WFS1: variants seen among roughly 807,000 people sequenced by gnomAD.
WFS1 encodes wolframin ER transmembrane glycoprotein, also known as wolframin.
WFS1 carries 90 observed loss-of-function variants against 68.5 expected under a neutral mutation model. The observed-to-expected ratio is 1.31, with a 90% CI of 1.11 to 1.56. The LOEUF is 1.56. WFS1 is among the 40% of genes most tolerant of loss of function. The pLI, the probability that WFS1 is intolerant of heterozygous loss-of-function variation, is 0.00. For synonymous variants in WFS1, 860 were observed against 540.7 expected, an observed-to-expected ratio of 1.59 and a Z score of -8.19; for missense variants, 1,767 against 1,232.6, an observed-to-expected ratio of 1.43 and a Z score of -6.49.
In WFS1 at chr4:6,300,777, ATCTTCTTCTTC is replaced by A; in HGVS notation, c.983_993del (p.Ile328AsnfsTer211). ...CCCCACGCACCACATCAACGCGCTC[ATCTTCTTCTTC>A]ATCGTCAGCAACCTCACCATCGACT... On this transcript the variant is annotated frameshift_variant, in exon 8 of 8. Transcript: ENST00000226760. LOFTEE classifies it high-confidence loss of function. 1 of 1,613,928 alleles carries A rather than the reference ATCTTCTTCTTC, an allele frequency of 6.2e-7. No individual in the cohort carries two copies. Among genetic ancestry groups the A allele is most frequent in the Non-Finnish European group, 8.5e-7 (1 of 1,179,940 alleles).
chr4:6,281,626 G>C lies in WFS1; in HGVS notation c.232+3939G>C, dbSNP rs186113546. Among the ~76,000 whole-genome samples the C allele has an allele frequency of 9.2e-5, 14 of 152,238 alleles. No individual in the cohort carries two copies. The East Asian group carries it at 2.7e-3, about 30-fold the overall frequency. ...GGTAGGGTCCTGGGGGTGGTTCCCG[G>C]CGGGGTCCGAGCTTAGTCTTAGAGG... is the stretch of plus-strand genomic sequence containing the variant. On this transcript the variant is annotated intron_variant, in intron 2 of 7. Coordinates refer to ENST00000226760, the MANE Select transcript of WFS1 (RefSeq NM_006005.3).
chr4:6,302,701 C>G lies in WFS1; in HGVS notation c.*233C>G. On this transcript the variant is annotated 3_prime_UTR_variant, in exon 8 of 8. Coordinates refer to ENST00000226760, the MANE Select transcript of WFS1 (RefSeq NM_006005.3). ...GTTGGGAATTGCATGCCATCTCCACCCTGAGCCTGACCTTTCTGAGTGACA... is the reference window on the plus strand; with the variant it reads ...GTTGGGAATTGCATGCCATCTCCACGCTGAGCCTGACCTTTCTGAGTGACA... 1 of 641,996 alleles carries G rather than the reference C, an allele frequency of 1.6e-6. No individual in the cohort carries two copies. The highest frequency in any genetic ancestry group is 2.7e-6 in the Non-Finnish European group (1 of 377,272). The allele number at this position is 641,996 out of a possible 1,614,324, so 39.8% of individuals were successfully genotyped here.
chr4:6,277,347 C>A (rs1482619674), intron 1 of WFS1, 104 bp from the exon 2 acceptor site: 1 of 1,103,812 alleles, frequency 9.1e-7, no homozygotes, highest in Non-Finnish European at 1.3e-6. Flanking sequence ...GAGTGTCTGG[C>A]AGCTCCCACC....
In WFS1 at chr4:6,301,061, C is replaced by A; in HGVS notation, c.1266C>A (p.Ala422=). ...VFFVIFSFPI[A]SKDCIPCSEL... ...TCGTCATCTTCTCCTTCCCCATCGC[C>A]AGCAAGGACTGCATCCCCTGCTCGG... is the stretch of plus-strand genomic sequence containing the variant. Residue 422 remains alanine (A), a synonymous_variant, in exon 8 of 8, where the codon GCC becomes GCA. Coordinates refer to ENST00000226760, the MANE Select transcript of WFS1 (RefSeq NM_006005.3). The A allele has an allele frequency of 6.2e-7, 1 of 1,614,194 alleles. No individual in the cohort carries two copies. The highest frequency in any genetic ancestry group is 1.1e-5 in the South Asian group (1 of 91,078).
intron 1 of WFS1, 26 bp downstream of exon 1, chr4:6,270,040 G>GGCGCGGGGGCTGTGGGCA (rs1729754804): frequency 6.6e-6 from 1 of 151,972 alleles, no homozygotes; most frequent in African/African-American, 2.4e-5. Flanking sequence ...CTGGGGCAGT[G>GGCGCGGGGGCTGTGGGCA]GCGCGGTGGC....
Position 6,301,101 on chromosome 4 carries a change from A to G in WFS1, c.1306A>G (p.Thr436Ala), listed in dbSNP as rs541741452. ...CCCCTGCTCGGAGCTGGCTGTCATC[A>G]CCGGCTTCTTTACCGTGACCAGCTA... ...CIPCSELAVITGFFTVTSYLS... is the reference protein window; with the variant it reads ...CIPCSELAVIAGFFTVTSYLS... The change falls in exon 8 of 8, where the codon ACC becomes GCC. Residue 436 changes from threonine (T) to alanine (A), a missense_variant. Physicochemically the swap from Thr to Ala is moderately conservative, Grantham distance 58 (BLOSUM62 0). Coordinates refer to ENST00000226760, the MANE Select transcript of WFS1 (RefSeq NM_006005.3). 6.2e-7 allele frequency: 1 copy of G among 1,613,486 alleles called. No individual in the cohort carries two copies. The highest frequency in any genetic ancestry group is 1.7e-5 in the Admixed American group (1 of 59,986).
At chr4:6,295,294 A>G in intron 7 of WFS1, 105 bp downstream of exon 7, 1 of 1,406,290 alleles carries the variant, frequency 7.1e-7, no homozygotes, top group Non-Finnish European at 9.9e-7. Flanking sequence ...GTTCGCGCCT[A>G]ACAAAGAGTG....
At chr4:6,284,984 C>T (rs3821940) in intron 2 of WFS1, among the ~76,000 whole-genome samples, 2 of 150,844 alleles carry the variant, frequency 1.3e-5, no homozygotes, top group Non-Finnish European at 2.9e-5. Flanking sequence ...GGCAGGGTGA[C>T]GGCAGCAAGG....
At position 6,300,964 on chromosome 4, in the gene WFS1, T is replaced by C; in HGVS notation, c.1169T>C (p.Val390Ala). 6.2e-7 allele frequency: 1 copy of C among 1,614,014 alleles called. No individual in the cohort carries two copies. Among genetic ancestry groups the C allele is most frequent in the African/African-American group, 1.3e-5 (1 of 75,042 alleles). Residue 390 changes from valine (V) to alanine (A), a missense_variant, in exon 8 of 8, where the codon GTG becomes GCG. Physicochemically the swap from Val to Ala is moderately conservative, Grantham distance 64. Transcript: ENST00000226760. ...LLLRFEPNLD[V>A]EQAEVNFGWN... ...CTGCGCTTCGAGCCCAACCTGGATG[T>C]GGAGCAGGCCGAGGTCAACTTCGGC...
intron 2 of WFS1, 56 bp downstream of exon 2, chr4:6,277,743 G>A (rs1730042357): frequency 1.3e-6 from 2 of 1,540,648 alleles, no homozygotes; most frequent in Non-Finnish European, 1.8e-6. Flanking sequence ...AGCTGGGTGG[G>A]AACGGGGTTC....
chr4:6,287,215 C>G lies in WFS1; in HGVS notation c.315+40C>G, dbSNP rs1730339701. The G allele has an allele frequency of 1.3e-6, 2 of 1,525,364 alleles. No individual in the cohort carries two copies. The highest frequency in any genetic ancestry group is 2.8e-5 in the African/African-American group (2 of 72,546). 94.5% of individuals were successfully genotyped at this position (1,525,364 alleles called of 1,614,324 possible). Reference sequence around the variant, plus strand: ...GCCGGCAGGGACTTCGGGACGCGGCCCCCGGCACAACAGGCCTGGCCACGA... The same window carrying G: ...GCCGGCAGGGACTTCGGGACGCGGCGCCCGGCACAACAGGCCTGGCCACGA... On this transcript the variant is annotated intron_variant, in intron 3 of 7. Coordinates refer to ENST00000226760, the MANE Select transcript of WFS1 (RefSeq NM_006005.3). This position sits in a 1 kb window ranked among gnomAD's most constrained non-coding sequence, Gnocchi z 6.4.
In WFS1 at chr4:6,302,410, A is replaced by G. The variant is rs751835613; in HGVS notation, c.2615A>G (p.His872Arg). The change falls in exon 8 of 8, where the codon CAT (histidine) becomes CGT (arginine). Residue 872 changes from histidine (H) to arginine (R), a missense_variant. Transcript: ENST00000226760. ...GAGCACGACTGGCGCAGCACCGTGC[A>G]TGGCGCCGTGAAGTTCGCCTTCGAC... Reference protein sequence around the residue: ...KIEHDWRSTVHGAVKFAFDFF... With the variant: ...KIEHDWRSTVRGAVKFAFDFF... The G allele has an allele frequency of 3.7e-5, 60 of 1,613,110 alleles. No homozygotes were observed. Among genetic ancestry groups the G allele is most frequent in the Non-Finnish European group, 4.6e-5 (54 of 1,180,040 alleles).
At chr4:6,291,095 G>A (rs1399852811) in intron 4 of WFS1, 102 bp from the exon 5 acceptor site, 4 of 1,342,442 alleles carry the variant, frequency 3.0e-6, no homozygotes, top group African/African-American at 1.4e-5. Flanking sequence ...CACCTTCTAT[G>A]AGTCTCGCTC....
At chr4:6,288,221 A>AC (rs1380729314) in intron 3 of WFS1, among the ~76,000 whole-genome samples, 2 of 151,546 alleles carry the variant, frequency 1.3e-5, no homozygotes, top group East Asian at 1.9e-4. Flanking sequence ...TGTCTCAAAA[A>AC]AAAAAAAAAA....
chr4:6,299,941 T>G (rs537872935), intron 7 of WFS1, among the ~76,000 whole-genome samples: 138 of 150,578 alleles, frequency 9.2e-4, no homozygotes, highest in African/African-American at 3.1e-3. Context: ...TGAATGCGTG[T>G]GTGTAGGGGT....
Position 6,291,908 on chromosome 4 carries a change from C to A in WFS1, c.632-9C>A. On this transcript the variant is annotated splice_polypyrimidine_tract_variant and intron_variant, in intron 5 of 7. Transcript: ENST00000226760. The stretch of plus-strand genomic sequence containing the variant: ...TTGTCTGACTGTTAATCCACCCTGT[C>A]CCCTGCAGATGGAGGGGCGCAGCCA... 6.2e-7 allele frequency: 1 copy of A among 1,608,078 alleles called. No individual in the cohort carries two copies. Among genetic ancestry groups the A allele is most frequent in the South Asian group, 1.1e-5 (1 of 89,426 alleles).
intron 6 of WFS1, among the ~76,000 whole-genome samples, chr4:6,292,583 C>T (rs1303420253): frequency 6.6e-6 from 1 of 152,122 alleles, no homozygotes; most frequent in African/African-American, 2.4e-5. Context: ...ACATCCTCCA[C>T]GTGCAGCTGG....
Position 6,287,193 on chromosome 4 carries a change from G to T in WFS1, c.315+18G>T. The T allele has an allele frequency of 6.4e-7, 1 of 1,552,264 alleles. No homozygotes were observed. Among genetic ancestry groups the T allele is most frequent in the Non-Finnish European group, 8.7e-7 (1 of 1,147,016 alleles). ...AGACTGAGGTGAGGACTGCGGTGCCGGCAGGGACTTCGGGACGCGGCCCCC... is the reference window on the plus strand; with the variant it reads ...AGACTGAGGTGAGGACTGCGGTGCCTGCAGGGACTTCGGGACGCGGCCCCC... On this transcript the variant is annotated intron_variant, in intron 3 of 7. Transcript: ENST00000226760. The surrounding 1 kb of genome is among the most constrained non-coding windows in gnomAD (Gnocchi z 6.4).
rs961044497 is a variant in WFS1 at position 6,285,263 on chromosome 4, C to T, written c.233-1830C>T. Among the ~76,000 whole-genome samples the T allele has an allele frequency of 7.5e-5, 11 of 145,738 alleles. No individual in the cohort carries two copies. The East Asian group carries it at 1.0e-3, about 14-fold the overall frequency. ...CATTCAGGGAGGAGTCTTCCAGGGA[C>T]GGGGACATCCAGGGAGAGGGGCGTC... On this transcript the variant is annotated intron_variant, in intron 2 of 7. Coordinates refer to ENST00000226760, the MANE Select transcript of WFS1 (RefSeq NM_006005.3).
Sources: gnomAD v4.1 joint callset for allele counts (sites outside exome capture counted in the v4.1 genomes callset) on GRCh38, gnomAD v4.1.1 for gene constraint, Gnocchi (gnomAD v3.1) non-coding constraint, MANE v1.5 for transcripts, NCBI Gene and HGNC (gene_info 2026-07-23, HGNC 2026-07-21) for gene names.